The following CDK14 variants were observed in gnomAD, a reference collection of about 807,000 sequenced individuals.
CDK14 encodes cyclin dependent kinase 14.
In CDK14, 34 loss-of-function variants were observed where a neutral mutation model predicts 60.7. That is an observed-to-expected ratio of 0.56 (90% CI 0.43 to 0.75). The LOEUF (loss-of-function observed/expected upper bound fraction) is 0.75. Ranked by LOEUF, CDK14 falls within the 30% of genes least tolerant of loss-of-function variation. The probability of loss-of-function intolerance (pLI) is 0.00; values close to 1 mark genes in which losing one functional copy is unlikely to be tolerated. For synonymous variants in CDK14, 197 were observed against 203.7 expected (o/e 0.97, Z 0.28); for missense variants, 482 against 564.1 (o/e 0.85, Z 1.47).
At chr7:91,034,945 TACAC>T (rs35003949) in intron 10 of CDK14, among the ~76,000 whole-genome samples, 2,118 of 146,012 alleles carry the variant, frequency 0.015, 50 homozygotes, top group African/African-American at 0.047. Flanking sequence ...CACATACACA[TACAC>T]ACACACACAC....
intron 14 of CDK14, among the ~76,000 whole-genome samples, chr7:91,197,918 C>T (rs1371557645): frequency 1.3e-5 from 2 of 152,202 alleles, no homozygotes; most frequent in African/African-American, 4.8e-5. Context: ...TTCGCTTCCA[C>T]GGATGAATTC....
At chr7:90,746,126 T>G (rs993464961) in intron 3 of CDK14, among the ~76,000 whole-genome samples, 4 of 152,254 alleles carry the variant, frequency 2.6e-5, no homozygotes, top group Non-Finnish European at 5.9e-5. Flanking sequence ...TATTTAATAG[T>G]CTTCCCCTAC....
At chr7:90,994,994 C>T (rs1795640602) in intron 10 of CDK14, among the ~76,000 whole-genome samples, 1 of 152,202 alleles carries the variant, frequency 6.6e-6, no homozygotes, top group East Asian at 1.9e-4. Context: ...CATATGTTAT[C>T]TCTTGAGGTG....
At chr7:90,634,981 T>A (rs1243996068) in intron 2 of CDK14, among the ~76,000 whole-genome samples, 1 of 152,132 alleles carries the variant, frequency 6.6e-6, no homozygotes, top group Admixed American at 6.6e-5. Flanking sequence ...GATGGGGTTG[T>A]TTGTTTTTTT....
At chr7:90,983,708 T>C (rs540338736) in intron 9 of CDK14, among the ~76,000 whole-genome samples, 1 of 150,858 alleles carries the variant, frequency 6.6e-6, no homozygotes, top group East Asian at 1.9e-4. Context: ...TGAAATAGTG[T>C]TGTTTGCAGC....
At chr7:90,622,873 T>TAA (rs1213389075) in intron 2 of CDK14, among the ~76,000 whole-genome samples, 1 of 151,668 alleles carries the variant, frequency 6.6e-6, no homozygotes, top group Non-Finnish European at 1.5e-5. Context: ...CCAGGGATCC[T>TAA]ACTTAAAAAA....
At chr7:90,867,005 T>G (rs1280004173) in intron 6 of CDK14, among the ~76,000 whole-genome samples, 3 of 152,174 alleles carry the variant, frequency 2.0e-5, no homozygotes, top group Non-Finnish European at 4.4e-5. Context: ...ATGTGCTCCT[T>G]AAGTTGCTCA....
intron 9 of CDK14, among the ~76,000 whole-genome samples, chr7:90,964,219 A>G (rs982111615): frequency 1.8e-4 from 27 of 152,158 alleles, no homozygotes; most frequent in African/African-American, 6.5e-4. Context: ...GTTTTCATAT[A>G]TGAGAACCCT....
rs1802383972 is a variant in CDK14 at position 91,192,212 on chromosome 7, A to C, written c.*29-14953A>C. Among the ~76,000 whole-genome samples the C allele has an allele frequency of 2.0e-5, 3 of 152,216 alleles. No individual in the cohort carries two copies. The South Asian group carries it at 6.2e-4, about 32-fold the overall frequency. ...CATCAGAATGCCAAGCCTCCAGGCC[A>C]TGTCCTGCTATACCACAGCCCTGAA... On this transcript the variant is annotated intron_variant, in intron 14 of 14. Transcript: ENST00000380050.
chr7:90,646,768 G>A (rs182946104), intron 2 of CDK14, among the ~76,000 whole-genome samples: 2 of 152,104 alleles, frequency 1.3e-5, no homozygotes, highest in Non-Finnish European at 2.9e-5. Context: ...GCTATTCATC[G>A]TATGGATGTA....
At chr7:90,750,055 G>C (rs1803759693) in intron 4 of CDK14, among the ~76,000 whole-genome samples, 1 of 152,006 alleles carries the variant, frequency 6.6e-6, no homozygotes, top group African/African-American at 2.4e-5. Flanking sequence ...GCTGCTGATA[G>C]AAATGCATAG....
intron 2 of CDK14, among the ~76,000 whole-genome samples, chr7:90,610,572 T>C (rs1224463738): frequency 6.6e-6 from 1 of 152,220 alleles, no homozygotes; most frequent in African/African-American, 2.4e-5. Flanking sequence ...TTTTATTGTC[T>C]CACAGTTCTG....
intron 4 of CDK14, among the ~76,000 whole-genome samples, chr7:90,788,433 A>T (rs1255557202): frequency 6.6e-6 from 1 of 152,208 alleles, no homozygotes; most frequent in African/African-American, 2.4e-5. Context: ...CTAGAGCACA[A>T]ACAGGATTAG....
intron 2 of CDK14, among the ~76,000 whole-genome samples, chr7:90,638,211 G>T (rs547520128): frequency 7.9e-5 from 12 of 152,162 alleles, no homozygotes; most frequent in Non-Finnish European, 1.5e-4. Context: ...AGTTGATGCA[G>T]TTTCTTCCTA....
intron 5 of CDK14, among the ~76,000 whole-genome samples, chr7:90,853,620 A>G (rs1790721974): frequency 6.6e-6 from 1 of 152,146 alleles, no homozygotes. Context: ...GGATGTGTAA[A>G]TGTTAAATGG....
intron 2 of CDK14, chr7:90,608,676 G>A (rs1232927101): frequency 3.1e-6 from 1 of 320,326 alleles, no homozygotes; most frequent in Non-Finnish European, 4.5e-6. Flanking sequence ...CACTTAGTTT[G>A]TTTCCTAAAA....
At chr7:90,720,970 G>A (rs1168974841) in intron 2 of CDK14, among the ~76,000 whole-genome samples, 1 of 151,988 alleles carries the variant, frequency 6.6e-6, no homozygotes, top group African/African-American at 2.4e-5. Context: ...CTTTTTAAGG[G>A]TTAAATTTCA....
intron 2 of CDK14, among the ~76,000 whole-genome samples, chr7:90,719,559 A>C (rs955857822): frequency 1.3e-5 from 2 of 152,114 alleles, no homozygotes; most frequent in Non-Finnish European, 2.9e-5. Context: ...ACACTGTTTG[A>C]ATTTCTAACA....
At chr7:90,797,666 A>G (rs1342234657) in intron 5 of CDK14, among the ~76,000 whole-genome samples, 5 of 152,100 alleles carry the variant, frequency 3.3e-5, no homozygotes, top group African/African-American at 1.2e-4. Context: ...GAAGCACAGC[A>G]TCTTCTGGAG....
Sources: gnomAD v4.1 joint callset for allele counts (sites outside exome capture counted in the v4.1 genomes callset) on GRCh38, gnomAD v4.1.1 for gene constraint, MANE v1.5 for transcripts, NCBI Gene and HGNC (gene_info 2026-07-23, HGNC 2026-07-21) for gene names.